KRT8: variants seen among roughly 807,000 people sequenced by gnomAD.
KRT8 encodes keratin 8.
KRT8 carries 24 observed loss-of-function variants against 43.0 expected under a neutral mutation model. The ratio of observed to expected loss-of-function variants is 0.56; its 90% CI spans 0.40 to 0.78. The LOEUF is 0.78. Among genes scored for constraint, KRT8 ranks in the 30% least tolerant of loss-of-function variants. The pLI, the probability that KRT8 is intolerant of heterozygous loss-of-function variation, is 0.00. For synonymous variants in KRT8, 214 were observed against 261.2 expected, an observed-to-expected ratio of 0.82 and a Z score of 1.74; for missense variants, 492 against 638.4, an observed-to-expected ratio of 0.77 and a Z score of 2.47.
chr12:52,916,184 G>C (rs1028213836), intron 2 of KRT8, among the ~76,000 whole-genome samples: 2 of 152,134 alleles, frequency 1.3e-5, no homozygotes, highest in African/African-American at 2.4e-5. Flanking sequence ...AGGATGATGA[G>C]CTTAAAGCAG....
intron 2 of KRT8, among the ~76,000 whole-genome samples, chr12:52,923,776 TTAC>T (rs1941934813): frequency 6.6e-6 from 1 of 152,070 alleles, no homozygotes. Flanking sequence ...ACCTGTATTA[TTAC>T]ATTTAAATTA....
At chr12:52,906,530 GT>G (rs1941523239), upstream of KRT8, 1 of 369,638 alleles carries the variant, frequency 2.7e-6, no homozygotes. Flanking sequence ...CCTGTGGGAG[GT>G]TGGAGATTGG....
intron 2 of KRT8, among the ~76,000 whole-genome samples, chr12:52,918,426 G>A (rs950188019): frequency 3.3e-5 from 5 of 152,094 alleles, no homozygotes; most frequent in African/African-American, 4.8e-5. Context: ...CCACCAGGCC[G>A]AGATGGAAAA....
chr12:52,918,207 A>AGAAGAG (rs1941808373), intron 2 of KRT8, among the ~76,000 whole-genome samples: 2 of 121,568 alleles, frequency 1.6e-5, no homozygotes, highest in Non-Finnish European at 3.9e-5. Flanking sequence ...AAGAAGAACA[A>AGAAGAG]GAAGAAGAAG....
At chr12:52,898,614 C>T in intron 6 of KRT8, 65 bp downstream of exon 6, 1 of 1,612,992 alleles carries the variant, frequency 6.2e-7, no homozygotes, top group Non-Finnish European at 8.5e-7. Flanking sequence ...CAGGGGGCTC[C>T]CACCGTCCCC....
chr12:52,946,684 T>G (rs1942349246), intron 2 of KRT8: 1 of 152,162 alleles, frequency 6.6e-6, no homozygotes, highest in African/African-American at 2.4e-5. Context: ...TGGGGGAATA[T>G]AAAGGTGAAA....
chr12:52,926,336 TC>T, intron 2 of KRT8: 1 of 385,522 alleles, frequency 2.6e-6, no homozygotes, highest in Non-Finnish European at 4.9e-6. Flanking sequence ...CTAGCTGCCC[TC>T]CCCACCCCAC....
At chr12:52,948,623 CTGAGACTACAG>C in intron 2 of KRT8, 1 of 291,800 alleles carries the variant, frequency 3.4e-6, no homozygotes, top group Non-Finnish European at 6.2e-6. Flanking sequence ...TCCCAAGTAG[CTGAGACTACAG>C]GCGTGCACCA....
upstream of KRT8, among the ~76,000 whole-genome samples, chr12:52,911,674 A>G (rs1383702210): frequency 1.3e-5 from 2 of 152,186 alleles, no homozygotes; most frequent in Non-Finnish European, 2.9e-5. Flanking sequence ...GTCATGCAGC[A>G]GTGTGGCTCT....
At chr12:52,915,011 C>A (rs1027213679) in intron 2 of KRT8, among the ~76,000 whole-genome samples, 1 of 152,142 alleles carries the variant, frequency 6.6e-6, no homozygotes, top group African/African-American at 2.4e-5. Context: ...GTTGACTAGA[C>A]TAGACCACAT....
At chr12:52,915,050 C>A (rs1592172109) in intron 2 of KRT8, among the ~76,000 whole-genome samples, 1 of 152,064 alleles carries the variant, frequency 6.6e-6, no homozygotes, top group African/African-American at 2.4e-5. Context: ...GGTGATCAGC[C>A]CCACCCAACC....
chr12:52,921,216 C>T (rs1339686501), intron 2 of KRT8, among the ~76,000 whole-genome samples: 1 of 152,178 alleles, frequency 6.6e-6, no homozygotes, highest in Non-Finnish European at 1.5e-5. Context: ...GCCATCTATT[C>T]CCCAAGGCCA....
chr12:52,923,609 G>C (rs941120261), intron 2 of KRT8, among the ~76,000 whole-genome samples: 1 of 151,274 alleles, frequency 6.6e-6, no homozygotes, highest in Non-Finnish European at 1.5e-5. Flanking sequence ...TAGTAGAGAC[G>C]GGATTTCACC....
At chr12:52,900,177 G>T in intron 4 of KRT8, 112 bp from the exon 5 acceptor site, 1 of 1,134,572 alleles carries the variant, frequency 8.8e-7, no homozygotes, top group Non-Finnish European at 1.3e-6. Context: ...GAGAGGAGCA[G>T]GTGGGAGTCA....
chr12:52,929,382 C>T (rs2120691592), intron 2 of KRT8, among the ~76,000 whole-genome samples: 1 of 152,112 alleles, frequency 6.6e-6, no homozygotes, highest in African/African-American at 2.4e-5. Context: ...TTAGTAGAGA[C>T]AGGGTTTCAC....
chr12:52,909,558 T>A (rs1034516168), upstream of KRT8, among the ~76,000 whole-genome samples: 1 of 152,234 alleles, frequency 6.6e-6, no homozygotes, highest in African/African-American at 2.4e-5. Context: ...TGATCAGTGA[T>A]GGATCTGATG....
intron 1 of KRT8, among the ~76,000 whole-genome samples, chr12:52,902,424 C>A (rs963833813): frequency 6.6e-6 from 1 of 152,220 alleles, no homozygotes; most frequent in Admixed American, 6.5e-5. Flanking sequence ...GGCGCCCAGG[C>A]TGGAGTGCAG....
At chr12:52,906,016 G>C (rs1226584514), upstream of KRT8, among the ~76,000 whole-genome samples, 2 of 152,204 alleles carry the variant, frequency 1.3e-5, no homozygotes, top group Admixed American at 6.5e-5. Flanking sequence ...GGGAGGCAGA[G>C]GTTGCAGTGA....
At chr12:52,941,067 A>ATT (rs10706288) in intron 2 of KRT8, among the ~76,000 whole-genome samples, 64 of 141,992 alleles carry the variant, frequency 4.5e-4, no homozygotes, top group Non-Finnish European at 6.4e-4. Flanking sequence ...CAATACATTA[A>ATT]TTTTTTTTTT....
Sources: allele counts gnomAD v4.1 joint callset (sites outside exome capture counted in the v4.1 genomes callset), GRCh38; gene constraint gnomAD v4.1.1; transcripts MANE v1.5; gene names NCBI Gene and HGNC (gene_info 2026-07-23, HGNC 2026-07-21).